The following CREBBP variants were observed in gnomAD, a reference collection of about 807,000 sequenced individuals.
The protein encoded by CREBBP is CREB binding lysine acetyltransferase.
In CREBBP, 19 loss-of-function variants were observed where a neutral mutation model predicts 265.0. That is an observed-to-expected ratio of 0.07 (90% CI 0.05 to 0.11). The LOEUF (loss-of-function observed/expected upper bound fraction) is 0.11, where lower values mean the gene tolerates loss of function less well. Among genes scored for constraint, CREBBP ranks in the 10% least tolerant of loss-of-function variants. The pLI is 1.00. For missense variants in CREBBP, 2,525 were observed against 3,219.0 expected, an observed-to-expected ratio of 0.78 and a Z score of 5.22; for synonymous variants, 1,457 against 1,223.7, an observed-to-expected ratio of 1.19 and a Z score of -3.98.
chr16:3,835,705 G>A (rs996777799), intron 2 of CREBBP, among the ~76,000 whole-genome samples: 13 of 148,276 alleles, frequency 8.8e-5, no homozygotes, highest in African/African-American at 3.0e-4. Flanking sequence ...TCAGCCTCCC[G>A]AGTAGCTGGG....
intron 21 of CREBBP, 30 bp from the exon 22 acceptor site, chr16:3,745,384 G>C (rs2052318112): frequency 1.9e-6 from 3 of 1,605,834 alleles, no homozygotes; most frequent in Non-Finnish European, 2.6e-6. Flanking sequence ...CACTGTTAAA[G>C]CACACGGAAC....
chr16:3,823,375 G>A (rs913777313), intron 2 of CREBBP, among the ~76,000 whole-genome samples: 5 of 152,126 alleles, frequency 3.3e-5, no homozygotes, highest in African/African-American at 4.8e-5. Context: ...AGAGATTGCC[G>A]CTGAGTGGTA....
At chr16:3,794,967 C>A (rs74003406) in intron 3 of CREBBP, among the ~76,000 whole-genome samples, 3,153 of 152,214 alleles carry the variant, frequency 0.021, 114 homozygotes, top group African/African-American at 0.072. Flanking sequence ...TGTATATTCA[C>A]AAAGAGGAGA....
chr16:3,831,760 G>A (rs530167379), intron 2 of CREBBP, among the ~76,000 whole-genome samples: 1 of 152,174 alleles, frequency 6.6e-6, no homozygotes, highest in Middle Eastern at 3.2e-3. Context: ...ACTTTGGGAG[G>A]CTGAGGCAGG....
At chr16:3,768,013 T>C (rs114296231) in intron 15 of CREBBP, 104 bp from the exon 16 acceptor site, 1 of 1,047,844 alleles carries the variant, frequency 9.5e-7, no homozygotes, top group African/African-American at 1.6e-5. Flanking sequence ...TGTTAAAACC[T>C]TCCTCTAGTC....
chr16:3,880,114 C>T lies in CREBBP; in HGVS notation c.-198G>A. The T allele has an allele frequency of 4.9e-6, 1 of 204,426 alleles. No individual in the cohort carries two copies. Among genetic ancestry groups the T allele is most frequent in the Non-Finnish European group, 9.5e-6 (1 of 105,392 alleles). The allele number at this position is 204,426 out of a possible 1,614,324, so 12.7% of individuals were successfully genotyped here. A position where few individuals can be genotyped will look rare whatever the true frequency, so the allele number is the denominator to read the frequency against. ...CAAATCTCAGCCACAGCAACAGCGC[C>T]CCGCAGCGCTCACCGCCCGCCCCCG... On this transcript the variant is annotated 5_prime_UTR_variant, in exon 1 of 31. Transcript: ENST00000262367.
At chr16:3,872,623 G>A (rs2055323931) in intron 1 of CREBBP, among the ~76,000 whole-genome samples, 1 of 152,246 alleles carries the variant, frequency 6.6e-6, no homozygotes, top group Admixed American at 6.5e-5. Flanking sequence ...AGACCTCAGA[G>A]AGGACTAAAG....
At chr16:3,736,469 G>GTTC in intron 27 of CREBBP, 181 bp downstream of exon 27, 1 of 938,934 alleles carries the variant, frequency 1.1e-6, no homozygotes. Flanking sequence ...AGACGGCCAG[G>GTTC]GGAAAGCCTC....
chr16:3,874,045 G>A lies in CREBBP; in HGVS notation c.85+5787C>T, dbSNP rs555674501. On this transcript the variant is annotated intron_variant, in intron 1 of 30. Coordinates refer to ENST00000262367, the MANE Select transcript of CREBBP (RefSeq NM_004380.3). Reference sequence around the variant, plus strand: ...TCACCTTCTGGTGTCACAGGAAGGGGAGCAAGCCTAGAGCCTGAGATGACA... The same window carrying A: ...TCACCTTCTGGTGTCACAGGAAGGGAAGCAAGCCTAGAGCCTGAGATGACA... 2.6e-5 allele frequency among the ~76,000 whole-genome samples: 4 copies of A among 152,280 alleles called. No individual in the cohort carries two copies. In the East Asian group the frequency reaches 7.7e-4, roughly 29 times the overall value.
chr16:3,851,681 C>T (rs1191758796), intron 1 of CREBBP, among the ~76,000 whole-genome samples: 3 of 151,744 alleles, frequency 2.0e-5, no homozygotes, highest in African/African-American at 4.8e-5. Context: ...GGTGAAACCC[C>T]GTCTCTAGTA....
At chr16:3,849,438 T>C (rs1567360366) in intron 2 of CREBBP, among the ~76,000 whole-genome samples, 5 of 12,792 alleles carry the variant, frequency 3.9e-4, no homozygotes, top group African/African-American at 5.6e-4. Flanking sequence ...TGTGTGTGTG[T>C]GTGTGTGTGT....
intron 4 of CREBBP, 42 bp from the exon 5 acceptor site, chr16:3,792,136 A>C: frequency 6.9e-7 from 1 of 1,452,356 alleles, no homozygotes; most frequent in Non-Finnish European, 9.7e-7. Flanking sequence ...TTCTATCCAA[A>C]TCGTCACACT....
At chr16:3,845,574 C>T (rs2054649810) in intron 2 of CREBBP, among the ~76,000 whole-genome samples, 5 of 151,918 alleles carry the variant, frequency 3.3e-5, no homozygotes, top group Admixed American at 2.0e-4. Context: ...ACTCCTTATG[C>T]CAAAATAAAT....
chr16:3,849,441 GTGTGTGT>G (rs1567360466), intron 2 of CREBBP, among the ~76,000 whole-genome samples: 260 of 17,936 alleles, frequency 0.014, 20 homozygotes, highest in East Asian at 0.05. Context: ...GTGTGTGTGT[GTGTGTGT>G]GTGTGTGTGT....
At chr16:3,807,602 C>G (rs528325515) in intron 3 of CREBBP, among the ~76,000 whole-genome samples, 2 of 152,248 alleles carry the variant, frequency 1.3e-5, no homozygotes, top group South Asian at 4.1e-4. Flanking sequence ...CTCAGGGCTG[C>G]AAAAACATGA....
chr16:3,767,735 G>T lies in CREBBP; in HGVS notation c.3235C>A (p.Gln1079Lys). Residue 1079 changes from glutamine (Q) to lysine (K), a missense_variant, in exon 16 of 31, where the codon CAG becomes AAG. By Grantham distance (53) the Gln-to-Lys change is moderately conservative. This residue lies in a region of CREBBP where 548 missense variants were observed against 533.0 expected (regional missense o/e 1.03). Transcript: ENST00000262367. ...GTASQSTSPS[Q>K]PRKKIFKPEE... ...AATGGCCTACTTTTTTTGCGCGGCTGCGAAGGAGATGTTGACTGAGAGGCT... is the reference window on the plus strand; with the variant it reads ...AATGGCCTACTTTTTTTGCGCGGCTTCGAAGGAGATGTTGACTGAGAGGCT... The T allele has an allele frequency of 6.2e-7, 1 of 1,614,230 alleles. No individual in the cohort carries two copies. Among genetic ancestry groups the T allele is most frequent in the Non-Finnish European group, 8.5e-7 (1 of 1,180,034 alleles).
chr16:3,833,259 A>G (rs2141420591), intron 2 of CREBBP, among the ~76,000 whole-genome samples: 1 of 152,350 alleles, frequency 6.6e-6, no homozygotes, highest in South Asian at 2.1e-4. Flanking sequence ...CTAAAAATAC[A>G]AAATTAGCTG....
At chr16:3,733,254 C>T (rs1249897825) in intron 28 of CREBBP, among the ~76,000 whole-genome samples, 3 of 150,472 alleles carry the variant, frequency 2.0e-5, no homozygotes, top group Non-Finnish European at 4.4e-5. Flanking sequence ...CCCACCTACT[C>T]GGGAGGCTGA....
intron 2 of CREBBP, among the ~76,000 whole-genome samples, chr16:3,836,245 C>T (rs748231385): frequency 2.0e-5 from 3 of 151,352 alleles, no homozygotes; most frequent in Non-Finnish European, 4.4e-5. Flanking sequence ...ACCAGCCTGG[C>T]CAACATGGTG....
Sources: gnomAD v4.1 joint callset for allele counts (sites outside exome capture counted in the v4.1 genomes callset) on GRCh38, gnomAD v4.1.1 for gene constraint, gnomAD v4.1.1 regional missense constraint, MANE v1.5 for transcripts, NCBI Gene and HGNC (gene_info 2026-07-23, HGNC 2026-07-21) for gene names.